FBXL7: variants seen among roughly 807,000 people sequenced by gnomAD.
FBXL7 encodes F-box and leucine rich repeat protein 7.
In FBXL7, 12 loss-of-function variants were observed where a neutral mutation model predicts 38.3. The ratio of observed to expected loss-of-function variants is 0.31; its 90% confidence interval spans 0.20 to 0.51. The LOEUF (loss-of-function observed/expected upper bound fraction) is 0.51. FBXL7 is among the 20% of genes least tolerant of loss of function. The pLI, the probability that FBXL7 is intolerant of heterozygous loss-of-function variation, is 0.98. For missense variants in FBXL7, 567 were observed against 676.4 expected (o/e 0.84, Z 1.79); for synonymous variants, 297 against 300.9 (o/e 0.99, Z 0.13).
chr5:15,785,153 C>G (rs962229558), intron 2 of FBXL7, among the ~76,000 whole-genome samples: 1 of 152,184 alleles, frequency 6.6e-6, no homozygotes, highest in African/African-American at 2.4e-5. Context: ...AGAATCACTG[C>G]TTGGCCTTCA....
At chr5:15,769,265 C>A (rs1736668953) in intron 2 of FBXL7, among the ~76,000 whole-genome samples, 1 of 152,178 alleles carries the variant, frequency 6.6e-6, no homozygotes, top group African/African-American at 2.4e-5. Context: ...ATCAATGTAG[C>A]TAATTATCAT....
rs556879372 is a variant in FBXL7, at chr5:15,657,960, G to A, written c.127+41888G>A. On this transcript the variant is annotated intron_variant, in intron 2 of 3. Transcript: ENST00000504595. ...ATAAATTCTGCCTAAGGTGGAAGCC[G>A]GAAATCCACTTTATGAGCCTCTGTG... 1.6e-4 allele frequency among the ~76,000 whole-genome samples: 24 copies of A among 152,228 alleles called. No individual in the cohort carries two copies. In the South Asian group the frequency reaches 3.7e-3, roughly 24 times the overall value.
intron 1 of FBXL7, among the ~76,000 whole-genome samples, chr5:15,588,652 G>A (rs1274515722): frequency 6.6e-6 from 1 of 152,122 alleles, no homozygotes; most frequent in Non-Finnish European, 1.5e-5. Flanking sequence ...TTCCCAAAGT[G>A]CTGGGATTAT....
intron 2 of FBXL7, among the ~76,000 whole-genome samples, chr5:15,754,431 A>T (rs1429073924): frequency 6.6e-6 from 1 of 152,216 alleles, no homozygotes; most frequent in Non-Finnish European, 1.5e-5. Flanking sequence ...CAGCAGGGGC[A>T]TCACATGGTG....
intron 2 of FBXL7, among the ~76,000 whole-genome samples, chr5:15,725,873 T>C (rs915747112): frequency 6.6e-6 from 1 of 152,168 alleles, no homozygotes; most frequent in African/African-American, 2.4e-5. Flanking sequence ...TTTCTGTGTT[T>C]ATTAAATCTA....
At position 15,509,256 on chromosome 5, in the gene FBXL7, A is replaced by C. The variant is rs556502150; in HGVS notation, c.37+8543A>C. Among the ~76,000 whole-genome samples the C allele has an allele frequency of 1.3e-4, 20 of 152,294 alleles. No individual in the cohort carries two copies. The South Asian group carries it at 4.1e-3, about 32-fold the overall frequency. ...AAATCAGTGTTGGTGGAACTTCCTC[A>C]GAATGTAGCTTCTTTCTTTTTTTTT... On this transcript the variant is annotated intron_variant, in intron 1 of 3. Coordinates refer to ENST00000504595, the MANE Select transcript of FBXL7 (RefSeq NM_012304.5).
At chr5:15,610,299 C>T (rs1002615307) in intron 1 of FBXL7, among the ~76,000 whole-genome samples, 1 of 152,146 alleles carries the variant, frequency 6.6e-6, no homozygotes, top group Non-Finnish European at 1.5e-5. Flanking sequence ...TCTGGCTGCT[C>T]CCCTCCTGTG....
intron 1 of FBXL7, among the ~76,000 whole-genome samples, chr5:15,614,256 T>A (rs866872599): frequency 0.041 from 4,614 of 112,356 alleles, 218 homozygotes; most frequent in African/African-American, 0.13. Context: ...CTTGCGTTCT[T>A]TTCTTTTCTT....
chr5:15,865,320 T>C (rs190044708), intron 2 of FBXL7, among the ~76,000 whole-genome samples: 1 of 152,196 alleles, frequency 6.6e-6, no homozygotes, highest in East Asian at 1.9e-4. Flanking sequence ...ACCATAGCTA[T>C]CCATAATGAG....
intron 2 of FBXL7, among the ~76,000 whole-genome samples, chr5:15,673,054 C>T (rs78432428): frequency 0.08 from 12,232 of 152,096 alleles, 1,298 homozygotes; most frequent in East Asian, 0.35. Flanking sequence ...TGGCCGGGTG[C>T]AGTGGCTCAC....
chr5:15,938,279 T>C lies in FBXL7; in HGVS notation c.*1093T>C, dbSNP rs1742256159. 1 of 152,026 alleles carries C rather than the reference T, an allele frequency of 6.6e-6. No individual in the cohort carries two copies. The highest frequency in any genetic ancestry group is 2.4e-5 in the African/African-American group (1 of 41,374). 9.4% of individuals were successfully genotyped at this position (152,026 alleles called of 1,614,324 possible). On this transcript the variant is annotated 3_prime_UTR_variant, in exon 4 of 4. Transcript: ENST00000504595. ...TTTACTCAGTGTTTTCAAATAGGAG[T>C]AAAGGCCCTTGCAATTTTTAATTAA... is the stretch of plus-strand genomic sequence containing the variant.
chr5:15,637,162 C>T (rs1741215131), intron 2 of FBXL7, among the ~76,000 whole-genome samples: 1 of 152,082 alleles, frequency 6.6e-6, no homozygotes, highest in African/African-American at 2.4e-5. Context: ...ATAGCAAAGA[C>T]TTTAAAATAA....
chr5:15,797,705 G>T (rs1051883990), intron 2 of FBXL7, among the ~76,000 whole-genome samples: 1 of 152,144 alleles, frequency 6.6e-6, no homozygotes, highest in Non-Finnish European at 1.5e-5. Flanking sequence ...TCTAAAATCA[G>T]TATTCTTTGA....
chr5:15,797,407 G>C (rs1385902533), intron 2 of FBXL7, among the ~76,000 whole-genome samples: 1 of 152,150 alleles, frequency 6.6e-6, no homozygotes, highest in African/African-American at 2.4e-5. Context: ...TTCAGAACTG[G>C]GCTAGAACAT....
At chr5:15,528,398 T>G (rs1737313182) in intron 1 of FBXL7, among the ~76,000 whole-genome samples, 1 of 152,194 alleles carries the variant, frequency 6.6e-6, no homozygotes, top group African/African-American at 2.4e-5. Flanking sequence ...TATTGGTCCA[T>G]TTTCATGCTG....
chr5:15,721,750 G>A (rs554905686), intron 2 of FBXL7, among the ~76,000 whole-genome samples: 2 of 151,846 alleles, frequency 1.3e-5, no homozygotes, highest in Non-Finnish European at 2.9e-5. Flanking sequence ...CTCATTTTTA[G>A]TGTCTGGTTT....
chr5:15,653,582 A>C (rs1741777842), intron 2 of FBXL7, among the ~76,000 whole-genome samples: 1 of 152,198 alleles, frequency 6.6e-6, no homozygotes, highest in South Asian at 2.1e-4. Flanking sequence ...GTTACCAGTT[A>C]TCAAATATTT....
chr5:15,578,564 A>C (rs562384171), intron 1 of FBXL7, among the ~76,000 whole-genome samples: 3 of 152,294 alleles, frequency 2.0e-5, no homozygotes, highest in Admixed American at 6.5e-5. Flanking sequence ...ACGTGAGTGC[A>C]CTAAGTGTCT....
At chr5:15,535,950 G>A (rs1737571583) in intron 1 of FBXL7, among the ~76,000 whole-genome samples, 2 of 152,242 alleles carry the variant, frequency 1.3e-5, no homozygotes, top group Admixed American at 1.3e-4. Context: ...GCCTAGAAGG[G>A]AAAAATGGTT....
Sources: allele counts gnomAD v4.1 joint callset (sites outside exome capture counted in the v4.1 genomes callset), GRCh38; gene constraint gnomAD v4.1.1; transcripts MANE v1.5; gene names NCBI Gene and HGNC (gene_info 2026-07-23, HGNC 2026-07-21).